ACVR1C: variants seen among roughly 807,000 people sequenced by gnomAD.
ACVR1C encodes the protein activin receptor type-1C.
A neutral mutation model predicts 57.9 loss-of-function variants in ACVR1C; 23 were observed. The observed-to-expected ratio is 0.40, with a 90% confidence interval of 0.29 to 0.56. ACVR1C has a LOEUF of 0.56. Among genes scored for constraint, ACVR1C ranks in the 20% least tolerant of loss-of-function variants. ACVR1C has a pLI of 0.50. For synonymous variants in ACVR1C, 214 were observed against 215.3 expected, an observed-to-expected ratio of 0.99 and a Z score of 0.05; for missense variants, 480 against 607.9, an observed-to-expected ratio of 0.79 and a Z score of 2.21.
intron 7 of ACVR1C, among the ~76,000 whole-genome samples, chr2:157,539,433 G>A (rs1406660165): frequency 2.0e-5 from 3 of 152,106 alleles, no homozygotes; most frequent in East Asian, 1.9e-4. Context: ...ATTAACTGCA[G>A]TGCTTTTAAC....
intron 1 of ACVR1C, among the ~76,000 whole-genome samples, chr2:157,612,877 G>A (rs770204004): frequency 6.6e-6 from 1 of 152,214 alleles, no homozygotes; most frequent in Non-Finnish European, 1.5e-5. Context: ...ATGGTTACCA[G>A]GGCAGGATGA....
intron 2 of ACVR1C, among the ~76,000 whole-genome samples, chr2:157,556,794 G>T (rs928799803): frequency 6.6e-6 from 1 of 151,210 alleles, no homozygotes; most frequent in African/African-American, 2.4e-5. Flanking sequence ...CTCCTGAGTA[G>T]CTGAGATTAC....
At chr2:157,609,546 G>T (rs1682484883) in intron 1 of ACVR1C, among the ~76,000 whole-genome samples, 1 of 152,062 alleles carries the variant, frequency 6.6e-6, no homozygotes. Context: ...TAGATAAACT[G>T]TCTAATGCTG....
chr2:157,572,899 G>C, intron 2 of ACVR1C, among the ~76,000 whole-genome samples: 1 of 152,124 alleles, frequency 6.6e-6, no homozygotes, highest in East Asian at 1.9e-4. Flanking sequence ...ATTTGTTCGT[G>C]TGATGGCAGA....
chr2:157,589,201 T>A (rs147836360), intron 1 of ACVR1C, among the ~76,000 whole-genome samples: 7 of 152,040 alleles, frequency 4.6e-5, no homozygotes, highest in African/African-American at 1.7e-4. Flanking sequence ...CATCTATTGT[T>A]TTTTGACTTT....
In ACVR1C at chr2:157,580,115, G is replaced by A. The variant is rs774105498; in HGVS notation, c.304+7072C>T. Among the ~76,000 whole-genome samples the A allele has an allele frequency of 4.6e-5, 7 of 151,664 alleles. No homozygotes were observed. The South Asian group carries it at 6.2e-4, about 14-fold the overall frequency. The stretch of plus-strand genomic sequence containing the variant: ...CACGCGCGCACGCACACACGTGCGC[G>A]TGCTATTTATCTTTCAAATAGTTAT... On this transcript the variant is annotated intron_variant, in intron 2 of 8. Coordinates refer to ENST00000243349, the MANE Select transcript of ACVR1C (RefSeq NM_145259.3).
In ACVR1C at chr2:157,587,204, G is replaced by C. The variant is rs1248047846; in HGVS notation, c.287C>G (p.Thr96Arg). Residue 96 changes from threonine to arginine, a missense_variant, in exon 2 of 9, where the codon ACA becomes AGA. Thr to Arg is a moderately conservative substitution (Grantham distance 71). Coordinates refer to ENST00000243349, the MANE Select transcript of ACVR1C (RefSeq NM_145259.3). ...CCCCTTACCTGTTGGAAGGTGCAGT[G>C]TTATGTTGTTGCAAAAATCTGTGAA... The part of the protein sequence containing the change: ...CCFTDFCNNI[T>R]LHLPTASPNA... 1 of 1,612,606 alleles carries C rather than the reference G, an allele frequency of 6.2e-7. No individual in the cohort carries two copies.
chr2:157,538,506 G>A, intron 8 of ACVR1C, 67 bp downstream of exon 8: 1 of 1,357,074 alleles, frequency 7.4e-7, no homozygotes, highest in South Asian at 2.0e-5. Flanking sequence ...TATGGTCTCT[G>A]AAAAGTCTCC....
At chr2:157,627,181 C>G (rs1399994413) in intron 1 of ACVR1C, among the ~76,000 whole-genome samples, 1 of 152,146 alleles carries the variant, frequency 6.6e-6, no homozygotes, top group African/African-American at 2.4e-5. Context: ...CAGTTTCACC[C>G]CATCAAAACT....
intron 8 of ACVR1C, among the ~76,000 whole-genome samples, chr2:157,535,143 CAAAA>C (rs11349149): frequency 4.2e-5 from 4 of 95,990 alleles, no homozygotes; most frequent in Non-Finnish European, 4.5e-5. Context: ...AGACTCTGTC[CAAAA>C]AAAAAAAAAA....
At chr2:157,543,179 G>C (rs1243091163) in intron 5 of ACVR1C, among the ~76,000 whole-genome samples, 2 of 152,160 alleles carry the variant, frequency 1.3e-5, no homozygotes, top group Admixed American at 6.5e-5. Context: ...GTGCTCATAA[G>C]AACATGGCAA....
rs116821627 is a variant in ACVR1C at position 157,555,480 on chromosome 2, T to C, written c.544+613A>G. Among the ~76,000 whole-genome samples the C allele has an allele frequency of 4.2e-3, 638 of 152,334 alleles. 7 individuals are homozygous for C. Among genetic ancestry groups the C allele is most frequent in the African/African-American group, 0.015 (616 of 41,566 alleles). ...CATTAAAGAGGAAGACAGTCATGTA[T>C]GTAACCACAGCCAGCAAAAGCCAGC... On this transcript the variant is annotated intron_variant, in intron 3 of 8. Transcript: ENST00000243349.
chr2:157,624,851 G>A (rs1191332268), intron 1 of ACVR1C, among the ~76,000 whole-genome samples: 3 of 152,188 alleles, frequency 2.0e-5, no homozygotes, highest in South Asian at 2.1e-4. Context: ...CAAGATAAAA[G>A]TACAGAACAC....
At position 157,533,841 on chromosome 2, in the gene ACVR1C, AT is replaced by A; in HGVS notation, c.*76del. On this transcript the variant is annotated 3_prime_UTR_variant, in exon 9 of 9. Coordinates refer to ENST00000243349, the MANE Select transcript of ACVR1C (RefSeq NM_145259.3). ...ATCTTTGAGGTAGAACAAAAAAAAA[AT>A]GGCAAAAACATTCACATAAAGGGGA... The A allele has an allele frequency of 1.2e-5, 17 of 1,396,892 alleles. No individual in the cohort carries two copies. Among genetic ancestry groups the A allele is most frequent in the Non-Finnish European group, 1.6e-5 (17 of 1,063,356 alleles). 86.5% of individuals were successfully genotyped at this position (1,396,892 alleles called of 1,614,324 possible).
At chr2:157,551,611 T>C (rs1348913006) in intron 3 of ACVR1C, among the ~76,000 whole-genome samples, 5 of 152,240 alleles carry the variant, frequency 3.3e-5, no homozygotes, top group Admixed American at 1.3e-4. Context: ...TGAGTTATGA[T>C]AGTCTTCTTT....
At chr2:157,565,976 C>T (rs949898923) in intron 2 of ACVR1C, among the ~76,000 whole-genome samples, 4 of 152,160 alleles carry the variant, frequency 2.6e-5, no homozygotes, top group African/African-American at 9.7e-5. Flanking sequence ...AGAACTTTCA[C>T]TCAAGCAGAG....
intron 7 of ACVR1C, 152 bp downstream of exon 7, chr2:157,540,938 T>C: frequency 1.1e-6 from 1 of 932,092 alleles, no homozygotes; most frequent in Non-Finnish European, 1.6e-6. Context: ...GATATCCCAC[T>C]TTTGCCACTG....
At chr2:157,563,575 C>G (rs1029334781) in intron 2 of ACVR1C, among the ~76,000 whole-genome samples, 2 of 152,178 alleles carry the variant, frequency 1.3e-5, no homozygotes, top group African/African-American at 4.8e-5. Context: ...CTATTCCCAT[C>G]AAACTACCAT....
rs145072966 is a variant in ACVR1C, at chr2:157,538,720, T to C, written c.1226-17A>G. 4.8e-6 allele frequency: 7 copies of C among 1,458,346 alleles called. No homozygotes were observed. The South Asian group carries it at 1.1e-4, about 23-fold the overall frequency. The allele number at this position is 1,458,346 out of a possible 1,614,324, so 90.3% of individuals were successfully genotyped here. On this transcript the variant is annotated splice_polypyrimidine_tract_variant and intron_variant, in intron 7 of 8. Transcript: ENST00000243349. ...CAACAATTCCTGTAAGAAATTTGTA[T>C]AATAAATTTCCATGTGCAAATAATA... is the stretch of plus-strand genomic sequence containing the variant.
Sources: gnomAD v4.1 joint callset for allele counts (sites outside exome capture counted in the v4.1 genomes callset) on GRCh38, gnomAD v4.1.1 for gene constraint, MANE v1.5 for transcripts, NCBI Gene and HGNC (gene_info 2026-07-23, HGNC 2026-07-21) for gene names.